Variants in PXDNL observed in about 807,000 individuals in gnomAD.
PXDNL encodes the protein peroxidasin like, also known as probable oxidoreductase PXDNL.
A neutral mutation model predicts 150.8 loss-of-function variants in PXDNL; 145 were observed. The observed-to-expected ratio is 0.96, with a 90% CI of 0.84 to 1.10. PXDNL has a LOEUF of 1.10. Ranked by LOEUF, PXDNL falls within the 50% of genes least tolerant of loss-of-function variation. PXDNL has a pLI of 0.00. For missense variants in PXDNL, 2,087 were observed against 1,873.9 expected (o/e 1.11, Z -2.10); for synonymous variants, 757 against 725.7 (o/e 1.04, Z -0.69).
chr8:51,770,207 G>A (rs181103485), intron 1 of PXDNL, among the ~76,000 whole-genome samples: 148 of 152,290 alleles, frequency 9.7e-4, no homozygotes, highest in Non-Finnish European at 1.8e-3. Flanking sequence ...GCTGCCTTGT[G>A]AATAAAATCT....
chr8:51,335,682 TACACACACACACACAC>T (rs3040925), intron 21 of PXDNL, among the ~76,000 whole-genome samples: 1 of 137,492 alleles, frequency 7.3e-6, no homozygotes, highest in African/African-American at 2.7e-5. Flanking sequence ...TTATATACCC[TACACACACACACACAC>T]ACACACACAC....
intron 17 of PXDNL, among the ~76,000 whole-genome samples, chr8:51,393,741 G>A (rs550179510): frequency 6.6e-6 from 1 of 152,324 alleles, no homozygotes; most frequent in South Asian, 2.1e-4. Flanking sequence ...CTTAAAAGTG[G>A]AAAAGGGAAT....
intron 3 of PXDNL, among the ~76,000 whole-genome samples, chr8:51,569,700 A>G (rs1812892474): frequency 6.6e-6 from 1 of 152,042 alleles, no homozygotes; most frequent in East Asian, 1.9e-4. Flanking sequence ...AAATCATTCA[A>G]ATATTTTAAA....
chr8:51,488,894 GC>G (rs1162515526), intron 5 of PXDNL, among the ~76,000 whole-genome samples: 2 of 152,088 alleles, frequency 1.3e-5, no homozygotes, highest in African/African-American at 4.8e-5. Flanking sequence ...GAGTAAGAAA[GC>G]ATTACAATTA....
intron 2 of PXDNL, among the ~76,000 whole-genome samples, 192 bp downstream of exon 2, chr8:51,654,497 T>C (rs537020748): frequency 1.8e-4 from 27 of 150,696 alleles, no homozygotes; most frequent in Non-Finnish European, 3.8e-4. Context: ...AATAAGAATC[T>C]CTTCCATGTT....
Position 51,623,101 on chromosome 8 carries a change from T to G in PXDNL, c.237-30403A>C, listed in dbSNP as rs186780035. On this transcript the variant is annotated intron_variant, in intron 2 of 22. Transcript: ENST00000356297. ...GTTTAAAATTTCAATTTTCAGTTTT[T>G]GTTAGCCTGTATCTTCTAGCCGCAC... 2.0e-5 allele frequency among the ~76,000 whole-genome samples: 3 copies of G among 152,358 alleles called. No individual in the cohort carries two copies. The East Asian group carries it at 5.8e-4, about 29-fold the overall frequency.
At chr8:51,750,470 G>A (rs2037033204) in intron 1 of PXDNL, among the ~76,000 whole-genome samples, 1 of 152,246 alleles carries the variant, frequency 6.6e-6, no homozygotes, top group East Asian at 1.9e-4. Flanking sequence ...TTGCTCTATG[G>A]CAGTAAGACA....
chr8:51,711,997 G>A (rs1391596554), intron 1 of PXDNL, among the ~76,000 whole-genome samples: 2 of 152,192 alleles, frequency 1.3e-5, no homozygotes, highest in African/African-American at 2.4e-5. Context: ...AAGGAGATGG[G>A]AATTCAGTCT....
chr8:51,696,108 C>A (rs1372121109), intron 1 of PXDNL, among the ~76,000 whole-genome samples: 1 of 152,172 alleles, frequency 6.6e-6, no homozygotes, highest in Non-Finnish European at 1.5e-5. Flanking sequence ...ACACTTGATA[C>A]AGCAATGAAA....
chr8:51,370,904 T>C (rs1277910942), intron 19 of PXDNL, among the ~76,000 whole-genome samples: 1 of 152,230 alleles, frequency 6.6e-6, no homozygotes, highest in Non-Finnish European at 1.5e-5. Context: ...GCCAGTGTTC[T>C]ATCACACTTC....
At chr8:51,592,784 T>G in intron 2 of PXDNL, 86 bp from the exon 3 acceptor site, 4 of 857,172 alleles carry the variant, frequency 4.7e-6, no homozygotes, top group East Asian at 3.1e-5. Context: ...TATAGTGCTT[T>G]ACACAACAGA....
At chr8:51,618,177 A>G (rs1460489950) in intron 2 of PXDNL, among the ~76,000 whole-genome samples, 1 of 152,254 alleles carries the variant, frequency 6.6e-6, no homozygotes, top group Non-Finnish European at 1.5e-5. Flanking sequence ...GACTGAAGCT[A>G]AAGGGCAAAG....
chr8:51,658,628 T>A (rs989131505), intron 1 of PXDNL, among the ~76,000 whole-genome samples: 2 of 152,142 alleles, frequency 1.3e-5, no homozygotes, highest in African/African-American at 4.8e-5. Context: ...GTATTACCTA[T>A]CGTAGGGTAA....
rs887931624 is a variant in PXDNL, at chr8:51,407,887, G to A, written c.3557+180C>T. ...AAGGAGGTGGATAGAAAAAGGAGCA[G>A]AAAGGGGGATTTCGGTTTCTGGTGA... is the stretch of plus-strand genomic sequence containing the variant. On this transcript the variant is annotated intron_variant, in intron 17 of 22. Transcript: ENST00000356297. 5.3e-5 allele frequency among the ~76,000 whole-genome samples: 8 copies of A among 152,262 alleles called. No individual in the cohort carries two copies. In the East Asian group the frequency reaches 1.5e-3, roughly 29 times the overall value.
chr8:51,802,583 G>A (rs978988438), intron 1 of PXDNL, among the ~76,000 whole-genome samples: 8 of 152,170 alleles, frequency 5.3e-5, no homozygotes, highest in Non-Finnish European at 7.3e-5. Context: ...ATTGGACATC[G>A]CTGGTCTAGA....
intron 1 of PXDNL, among the ~76,000 whole-genome samples, chr8:51,750,676 A>G (rs527663483): frequency 6.6e-6 from 1 of 152,312 alleles, no homozygotes; most frequent in African/African-American, 2.4e-5. Flanking sequence ...GCAGGAGATG[A>G]TGGTCTCTTA....
At chr8:51,429,355 G>A (rs1809194949) in intron 12 of PXDNL, among the ~76,000 whole-genome samples, 2 of 152,164 alleles carry the variant, frequency 1.3e-5, no homozygotes, top group Admixed American at 1.3e-4. Context: ...CGAGGTTGAC[G>A]GATCACCTGA....
At chr8:51,391,740 T>G (rs1425368486) in intron 17 of PXDNL, among the ~76,000 whole-genome samples, 1 of 152,196 alleles carries the variant, frequency 6.6e-6, no homozygotes, top group Non-Finnish European at 1.5e-5. Flanking sequence ...CTCTTTAGTT[T>G]AATTAGATCC....
chr8:51,796,532 AATACT>A (rs1382060643), intron 1 of PXDNL, among the ~76,000 whole-genome samples: 1 of 152,208 alleles, frequency 6.6e-6, no homozygotes, highest in South Asian at 2.1e-4. Flanking sequence ...ACCATCAGAG[AATACT>A]ATAAACACCT....
Sources: allele counts gnomAD v4.1 joint callset (sites outside exome capture counted in the v4.1 genomes callset), GRCh38; gene constraint gnomAD v4.1.1; transcripts MANE v1.5; gene names NCBI Gene and HGNC (gene_info 2026-07-23, HGNC 2026-07-21).